STIM2: variants seen among roughly 807,000 people sequenced by gnomAD.
STIM2 encodes the protein stromal interaction molecule 2.
A neutral mutation model predicts 85.8 loss-of-function variants in STIM2; 31 were observed. That is an observed-to-expected ratio of 0.36 (90% CI 0.27 to 0.49). The LOEUF is 0.49. Among genes scored for constraint, STIM2 ranks in the 20% least tolerant of loss-of-function variants. The pLI is 0.98. For synonymous variants in STIM2, 356 were observed against 331.1 expected, an observed-to-expected ratio of 1.08 and a Z score of -0.82; for missense variants, 841 against 927.6, an observed-to-expected ratio of 0.91 and a Z score of 1.21.
At chr4:26,916,732 T>C (rs1401347988) in intron 1 of STIM2, among the ~76,000 whole-genome samples, 1 of 152,024 alleles carries the variant, frequency 6.6e-6, no homozygotes, top group Non-Finnish European at 1.5e-5. Context: ...TTTTTCTTAA[T>C]GTTTTATGTT....
chr4:26,918,533 A>G (rs1455384737), intron 1 of STIM2, among the ~76,000 whole-genome samples: 1 of 152,104 alleles, frequency 6.6e-6, no homozygotes, highest in Non-Finnish European at 1.5e-5. Context: ...TTTCAACTTT[A>G]AGGCCATACT....
At position 26,884,551 on chromosome 4, in the gene STIM2, T is replaced by C. The variant is rs537634717; in HGVS notation, c.151+23182T>C. On this transcript the variant is annotated intron_variant, in intron 1 of 11. Transcript: ENST00000467087. Reference sequence around the variant, plus strand: ...TTCTACTGCAACTGCTTTAGGAAATTTAAATATAAAGAAAACTAACAGGAA... The same window carrying C: ...TTCTACTGCAACTGCTTTAGGAAATCTAAATATAAAGAAAACTAACAGGAA... Among the ~76,000 whole-genome samples, 10 of 152,256 alleles carry C rather than the reference T, an allele frequency of 6.6e-5. No homozygotes were observed. In the East Asian group the frequency reaches 1.2e-3, roughly 18 times the overall value.
intron 1 of STIM2, among the ~76,000 whole-genome samples, chr4:26,864,252 C>T (rs13132005): frequency 0.2 from 29,720 of 151,994 alleles, 3,780 homozygotes; most frequent in Middle Eastern, 0.31. Context: ...ATTACATATA[C>T]AGCGCTTATA....
intron 1 of STIM2, among the ~76,000 whole-genome samples, chr4:26,880,029 A>C (rs1462584864): frequency 1.3e-5 from 2 of 152,196 alleles, no homozygotes. Flanking sequence ...TCAGAAGTAC[A>C]CATAAGATAA....
At chr4:26,915,063 T>C (rs1724485375) in intron 1 of STIM2, among the ~76,000 whole-genome samples, 1 of 152,204 alleles carries the variant, frequency 6.6e-6, no homozygotes, top group South Asian at 2.1e-4. Flanking sequence ...AGAATCCCAG[T>C]TGTCATTTCT....
chr4:26,948,560 G>C (rs540155684), intron 2 of STIM2, among the ~76,000 whole-genome samples: 1 of 152,290 alleles, frequency 6.6e-6, no homozygotes, highest in African/African-American at 2.4e-5. Context: ...CCAGGAGTTC[G>C]AGACCAGCCT....
chr4:26,930,316 T>G (rs1009224328), intron 2 of STIM2, among the ~76,000 whole-genome samples: 5 of 152,200 alleles, frequency 3.3e-5, no homozygotes, highest in African/African-American at 1.2e-4. Flanking sequence ...CTGAAAAGTT[T>G]TATCATAGAT....
chr4:26,958,871 A>T (rs934387390), intron 3 of STIM2, among the ~76,000 whole-genome samples: 3 of 152,212 alleles, frequency 2.0e-5, no homozygotes, highest in African/African-American at 7.2e-5. Context: ...GGAGGTGGAG[A>T]TCCATTACAG....
chr4:26,903,877 T>G lies in STIM2; in HGVS notation c.152-15627T>G, dbSNP rs1577427965. On this transcript the variant is annotated intron_variant, in intron 1 of 11. Transcript: ENST00000467087. Reference sequence around the variant, plus strand: ...ATGGTAGAGCCAAGTTATTGAGAGATAATTGGATGAGAAAGGAGCTAACTG... The same window carrying G: ...ATGGTAGAGCCAAGTTATTGAGAGAGAATTGGATGAGAAAGGAGCTAACTG... 3.3e-5 allele frequency among the ~76,000 whole-genome samples: 5 copies of G among 152,162 alleles called. No individual in the cohort carries two copies. The East Asian group carries it at 7.7e-4, about 23-fold the overall frequency.
At chr4:26,922,432 A>C (rs1724839090) in intron 2 of STIM2, among the ~76,000 whole-genome samples, 1 of 152,188 alleles carries the variant, frequency 6.6e-6, no homozygotes, top group Non-Finnish European at 1.5e-5. Flanking sequence ...ATTTTAACCC[A>C]AAAACTGAGC....
At chr4:26,992,932 T>A (rs1407819594) in intron 3 of STIM2, among the ~76,000 whole-genome samples, 1 of 152,096 alleles carries the variant, frequency 6.6e-6, no homozygotes, top group East Asian at 1.9e-4. Flanking sequence ...CTAAGCAGAG[T>A]ATTACTAAGA....
intron 11 of STIM2, 26 bp downstream of exon 11, chr4:27,018,010 G>A: frequency 1.2e-6 from 2 of 1,610,568 alleles, no homozygotes; most frequent in Non-Finnish European, 1.7e-6. Flanking sequence ...AATCTACAGG[G>A]CATGTTGGGG....
At chr4:26,894,272 G>GTA (rs561995234) in intron 1 of STIM2, among the ~76,000 whole-genome samples, 4,343 of 151,512 alleles carry the variant, frequency 0.029, 206 homozygotes, top group African/African-American at 0.1. Flanking sequence ...ACTTATGTGT[G>GTA]TATATATATA....
At chr4:26,877,327 G>GT (rs1378753003) in intron 1 of STIM2, among the ~76,000 whole-genome samples, 1 of 151,968 alleles carries the variant, frequency 6.6e-6, no homozygotes, top group Non-Finnish European at 1.5e-5. Flanking sequence ...CTCTCTTACA[G>GT]TTTTCGTATC....
chr4:27,008,850 C>A lies in STIM2; in HGVS notation c.1337C>A (p.Ala446Asp), dbSNP rs1241542938. Residue 446 changes from alanine to aspartate, a missense_variant, in exon 10 of 12, where the codon GCC becomes GAC. Transcript: ENST00000467087. The stretch of plus-strand genomic sequence containing the variant: ...GAGAAGATCTGTGGCTTTCAGATAG[C>A]CCATAACTCAGGACTCCCCAGCCTG... 6.2e-7 allele frequency: 1 copy of A among 1,613,974 alleles called. No individual in the cohort carries two copies.
At position 27,023,722 on chromosome 4, in the gene STIM2, T is replaced by C. The variant is rs768123114; in HGVS notation, c.*726T>C. The C allele has an allele frequency of 6.6e-6, 1 of 152,652 alleles. No individual in the cohort carries two copies. The highest frequency in any genetic ancestry group is 2.4e-5 in the African/African-American group (1 of 41,460). 9.5% of individuals were successfully genotyped at this position (152,652 alleles called of 1,614,324 possible). A position where few individuals can be genotyped will look rare whatever the true frequency, so the allele number is the denominator to read the frequency against. Reference sequence around the variant, plus strand: ...GTTTTCCCCAGGGCTTTCACTGTGATTTACTGCATTGCAGGCTGTATGATA... The same window carrying C: ...GTTTTCCCCAGGGCTTTCACTGTGACTTACTGCATTGCAGGCTGTATGATA... On this transcript the variant is annotated 3_prime_UTR_variant, in exon 12 of 12. Coordinates refer to ENST00000467087, the MANE Select transcript of STIM2 (RefSeq NM_020860.4).
intron 2 of STIM2, among the ~76,000 whole-genome samples, chr4:26,950,048 A>G (rs895354401): frequency 6.6e-6 from 1 of 152,196 alleles, no homozygotes; most frequent in Non-Finnish European, 1.5e-5. Flanking sequence ...AACACACGGT[A>G]TTCTCAGTGA....
intron 11 of STIM2, among the ~76,000 whole-genome samples, chr4:27,020,035 A>C (rs1272780653): frequency 1.3e-5 from 2 of 152,232 alleles, no homozygotes; most frequent in African/African-American, 4.8e-5. Context: ...ACTTTAACAG[A>C]TAGGAAAATT....
At chr4:26,957,749 GC>G (rs770622880) in intron 3 of STIM2, 23 bp downstream of exon 3, 34 of 1,465,180 alleles carry the variant, frequency 2.3e-5, no homozygotes, top group Non-Finnish European at 2.8e-5. Context: ...TTGTGATCTG[GC>G]CCCCTCCCCT....
Sources: allele counts gnomAD v4.1 joint callset (sites outside exome capture counted in the v4.1 genomes callset), GRCh38; gene constraint gnomAD v4.1.1; transcripts MANE v1.5; gene names NCBI Gene and HGNC (gene_info 2026-07-23, HGNC 2026-07-21).